Variants in TMEM238 observed in about 807,000 individuals in gnomAD.
TMEM238 encodes the protein transmembrane protein 238.
For synonymous variants in TMEM238, 103 were observed against 111.5 expected (o/e 0.92, Z 0.48); for missense variants, 169 against 206.8 (o/e 0.82, Z 1.12).
chr19:55,381,792 G>A (rs1198385352), intron 1 of TMEM238, among the ~76,000 whole-genome samples: 1 of 152,160 alleles, frequency 6.6e-6, no homozygotes, highest in Non-Finnish European at 1.5e-5. Context: ...TGTTCAGTAG[G>A]AGTCTCTGAG....
At chr19:55,379,699 A>AG (rs1277297643) in intron 1 of TMEM238, among the ~76,000 whole-genome samples, 1 of 152,116 alleles carries the variant, frequency 6.6e-6, no homozygotes, top group Non-Finnish European at 1.5e-5. Flanking sequence ...ACAGAGACAA[A>AG]GAGTGAGAGA....
intron 1 of TMEM238, among the ~76,000 whole-genome samples, chr19:55,379,803 G>A (rs191769202): frequency 4.7e-4 from 72 of 152,222 alleles, no homozygotes; most frequent in African/African-American, 1.5e-3. Flanking sequence ...CTGCAGGCAG[G>A]AGGATCACTT....
intron 1 of TMEM238, among the ~76,000 whole-genome samples, chr19:55,380,488 G>C (rs1008505733): frequency 6.9e-6 from 1 of 145,548 alleles, no homozygotes; most frequent in East Asian, 2.0e-4. Flanking sequence ...GCAGTGGCAC[G>C]ATCTTGGTTC....
Position 55,383,889 on chromosome 19 carries a change from G to T in TMEM238, c.371C>A (p.Ser124Ter). Residue 124 changes from serine to a stop codon, truncating the protein, a stop_gained, in exon 1 of 2, where the codon TCG becomes TAG. Coordinates refer to ENST00000444469, the MANE Select transcript of TMEM238 (RefSeq NM_001190764.2). LOFTEE classifies it low-confidence loss of function (END_TRUNC). This position sits in a 1 kb window ranked among gnomAD's most constrained non-coding sequence, Gnocchi z 4.9. Reference protein sequence around the residue: ...RLARKLSRRWSAPAAAGQRPA... With the variant: ...RLARKLSRRW The stretch of plus-strand genomic sequence containing the variant: ...GCGCTGGCCCGCGGCGGCGGGCGCC[G>T]ACCAGCGGCGGGAGAGCTTGCGCGC... 6.4e-6 allele frequency: 7 copies of T among 1,094,482 alleles called. No homozygotes were observed. The South Asian group carries it at 1.7e-4, about 26-fold the overall frequency. 67.8% of individuals were successfully genotyped at this position (1,094,482 alleles called of 1,614,324 possible).
Position 55,384,290 on chromosome 19 carries a change from G to A in TMEM238, c.-31C>T, listed in dbSNP as rs542716879. 31 of 1,076,116 alleles carry A rather than the reference G, an allele frequency of 2.9e-5. No homozygotes were observed. The East Asian group carries it at 1.3e-3, about 47-fold the overall frequency. 66.7% of individuals were successfully genotyped at this position (1,076,116 alleles called of 1,614,324 possible). On this transcript the variant is annotated 5_prime_UTR_variant, in exon 1 of 2. Coordinates refer to ENST00000444469, the MANE Select transcript of TMEM238 (RefSeq NM_001190764.2). This position sits in a 1 kb window ranked among gnomAD's most constrained non-coding sequence, Gnocchi z 5.6. ...TGCACCGCCGCCGCTGGCGCCCAGAGAGAGCGTTCCGGGGTGCGGCCCGGT... is the reference window on the plus strand; with the variant it reads ...TGCACCGCCGCCGCTGGCGCCCAGAAAGAGCGTTCCGGGGTGCGGCCCGGT...
Position 55,384,071 on chromosome 19 carries a change from G to A in TMEM238, c.189C>T (p.Arg63=). Residue 63 remains arginine (R), a synonymous_variant, in exon 1 of 2, where the codon CGC becomes CGT. Coordinates refer to ENST00000444469, the MANE Select transcript of TMEM238 (RefSeq NM_001190764.2). The surrounding 1 kb of genome is among the most constrained non-coding windows in gnomAD (Gnocchi z 5.6). ...LTGVFAQLQV[R]GRDFGDLLIY... Reference sequence around the variant, plus strand: ...TGAGCAGGTCCCCGAAGTCGCGGCCGCGCACCTGCAGCTGCGCGAACACGC... The same window carrying A: ...TGAGCAGGTCCCCGAAGTCGCGGCCACGCACCTGCAGCTGCGCGAACACGC... The A allele has an allele frequency of 2.0e-6, 3 of 1,477,648 alleles. No homozygotes were observed. The highest frequency in any genetic ancestry group is 2.7e-6 in the Non-Finnish European group (3 of 1,111,938). 91.5% of individuals were successfully genotyped at this position (1,477,648 alleles called of 1,614,324 possible). A position where few individuals can be genotyped will look rare whatever the true frequency, so the allele number is the denominator to read the frequency against.
intron 1 of TMEM238, among the ~76,000 whole-genome samples, chr19:55,379,810 A>G (rs1431350626): frequency 6.6e-6 from 1 of 152,080 alleles, no homozygotes; most frequent in African/African-American, 2.4e-5. Flanking sequence ...CAGGAGGATC[A>G]CTTGAGCCCA....
intron 1 of TMEM238, among the ~76,000 whole-genome samples, chr19:55,381,418 CAAAAAA>C (rs56902543): frequency 7.5e-5 from 4 of 53,532 alleles, no homozygotes; most frequent in Non-Finnish European, 1.1e-4. Context: ...AACTCCATCT[CAAAAAA>C]AAAAAAAAAA....
intron 1 of TMEM238, among the ~76,000 whole-genome samples, chr19:55,381,601 T>G (rs563487364): frequency 1.9e-4 from 29 of 152,204 alleles, no homozygotes; most frequent in African/African-American, 6.3e-4. Context: ...CCCAACCATC[T>G]ATTCAACTAC....
chr19:55,384,098 G>T lies in TMEM238; in HGVS notation c.162C>A (p.Thr54=). 6.8e-7 allele frequency: 1 copy of T among 1,462,358 alleles called. No homozygotes were observed. Among genetic ancestry groups the T allele is most frequent in the South Asian group, 1.2e-5 (1 of 80,030 alleles). 90.6% of individuals were successfully genotyped at this position (1,462,358 alleles called of 1,614,324 possible). A position where few individuals can be genotyped will look rare whatever the true frequency, so the allele number is the denominator to read the frequency against. Residue 54 remains threonine (T), a synonymous_variant, in exon 1 of 2, where the codon ACC becomes ACA. Coordinates refer to ENST00000444469, the MANE Select transcript of TMEM238 (RefSeq NM_001190764.2). This position sits in a 1 kb window ranked among gnomAD's most constrained non-coding sequence, Gnocchi z 5.6. ...GCACCTGCAGCTGCGCGAACACGCCGGTCAGCAGCGCCGCCATGCCCGCCA... is the reference window on the plus strand; with the variant it reads ...GCACCTGCAGCTGCGCGAACACGCCTGTCAGCAGCGCCGCCATGCCCGCCA... ...LDVAGMAALL[T]GVFAQLQVRG...
intron 1 of TMEM238, among the ~76,000 whole-genome samples, chr19:55,381,461 A>G (rs899904396): frequency 1.3e-5 from 2 of 151,610 alleles, no homozygotes; most frequent in African/African-American, 2.4e-5. Flanking sequence ...ATTTACCTAC[A>G]TAGAACGTCC....
intron 1 of TMEM238, among the ~76,000 whole-genome samples, chr19:55,381,358 C>T (rs2089885941): frequency 7.7e-6 from 1 of 129,434 alleles, no homozygotes; most frequent in Admixed American, 9.9e-5. Context: ...GCAGAGGTTG[C>T]AGTGAGCCGA....
chr19:55,382,959 C>T (rs1223078862), intron 1 of TMEM238, among the ~76,000 whole-genome samples: 7 of 152,234 alleles, frequency 4.6e-5, no homozygotes. Flanking sequence ...AATCCCAGCT[C>T]CTCCACCTAC....
chr19:55,380,551 A>C (rs1569036850), intron 1 of TMEM238, among the ~76,000 whole-genome samples: 1 of 146,224 alleles, frequency 6.8e-6, no homozygotes, highest in Non-Finnish European at 1.5e-5. Context: ...CAGCCTCCCT[A>C]GTAGCTGGGA....
rs146341132 is a variant in TMEM238, at chr19:55,383,204, C to T, written c.*7+518G>A. Among the ~76,000 whole-genome samples, 467 of 152,278 alleles carry T rather than the reference C, an allele frequency of 3.1e-3. 3 individuals carry two copies. The highest frequency in any genetic ancestry group is 0.015 in the South Asian group (73 of 4,822). Reference sequence around the variant, plus strand: ...CAACCTGGCCCACATGGCAAAACCCCGTCTCTACTAAATATACAAAAATTA... The same window carrying T: ...CAACCTGGCCCACATGGCAAAACCCTGTCTCTACTAAATATACAAAAATTA... On this transcript the variant is annotated intron_variant, in intron 1 of 1. Transcript: ENST00000444469. This position sits in a 1 kb window ranked among gnomAD's most constrained non-coding sequence, Gnocchi z 4.9.
At position 55,381,380 on chromosome 19, in the gene TMEM238, T is replaced by A. The variant is rs564566210; in HGVS notation, c.*8-2013A>T. Among the ~76,000 whole-genome samples, 5 of 124,624 alleles carry A rather than the reference T, an allele frequency of 4.0e-5. No individual in the cohort carries two copies. The South Asian group carries it at 1.3e-3, about 32-fold the overall frequency. 81.8% of individuals were successfully genotyped at this position (124,624 alleles called of 152,430 possible). A position where few individuals can be genotyped will look rare whatever the true frequency, so the allele number is the denominator to read the frequency against. On this transcript the variant is annotated intron_variant, in intron 1 of 1. Transcript: ENST00000444469. ...TTGCAGTGAGCCGAGATTGCGCCAC[T>A]GCACTCCAGCCTGGACAACAAGAGT...
At chr19:55,381,733 C>T (rs77506864) in intron 1 of TMEM238, among the ~76,000 whole-genome samples, 1,806 of 152,218 alleles carry the variant, frequency 0.012, 29 homozygotes, top group African/African-American at 0.039. Context: ...CAGGTGTAAC[C>T]GCAAGTTAAG....
intron 1 of TMEM238, among the ~76,000 whole-genome samples, chr19:55,381,484 G>A (rs912871846): frequency 1.3e-5 from 2 of 151,376 alleles, no homozygotes; most frequent in Non-Finnish European, 2.9e-5. Context: ...GGATAATAGG[G>A]TTTAATTCTT....
intron 1 of TMEM238, among the ~76,000 whole-genome samples, chr19:55,381,202 C>T (rs1339735317): frequency 2.0e-5 from 3 of 151,824 alleles, no homozygotes; most frequent in African/African-American, 7.3e-5. Flanking sequence ...GCGGATCACC[C>T]GAGATCGGGA....
Sources: allele counts gnomAD v4.1 joint callset (sites outside exome capture counted in the v4.1 genomes callset), GRCh38; gene constraint gnomAD v4.1.1; non-coding constraint Gnocchi (gnomAD v3.1); transcripts MANE v1.5; gene names NCBI Gene and HGNC (gene_info 2026-07-23, HGNC 2026-07-21).